The following USP6NL variants were observed in gnomAD, a reference collection of about 807,000 sequenced individuals.
USP6NL encodes the protein USP6 N-terminal like, also known as USP6 N-terminal-like protein.
USP6NL carries 26 observed loss-of-function variants against 61.9 expected under a neutral mutation model. That is an observed-to-expected ratio of 0.42 (90% CI 0.31 to 0.58). The LOEUF is 0.58. Among genes scored for constraint, USP6NL ranks in the 20% least tolerant of loss-of-function variants. The pLI is 0.16. For synonymous variants in USP6NL, 432 were observed against 390.1 expected, an observed-to-expected ratio of 1.11 and a Z score of -1.27; for missense variants, 1,114 against 1,034.3, an observed-to-expected ratio of 1.08 and a Z score of -1.06.
rs559783028 is a variant in USP6NL, at chr10:11,602,276, T to G, written c.-83-4559A>C. The stretch of plus-strand genomic sequence containing the variant: ...TGATGCCTCAACCAAGCTACATTTG[T>G]TTCCTCAAAGGCTATAACTCAATAC... On this transcript the variant is annotated intron_variant, in intron 1 of 14. Coordinates refer to ENST00000609104, the MANE Select transcript of USP6NL (RefSeq NM_014688.5). This position sits in a 1 kb window ranked among gnomAD's most constrained non-coding sequence, Gnocchi z 4.8. 5.4e-4 allele frequency among the ~76,000 whole-genome samples: 82 copies of G among 152,302 alleles called. No homozygotes were observed. Among genetic ancestry groups the G allele is most frequent in the African/African-American group, 2.0e-3 (82 of 41,558 alleles).
intron 2 of USP6NL, among the ~76,000 whole-genome samples, chr10:11,570,033 ACT>A (rs777308243): frequency 4.0e-5 from 6 of 151,840 alleles, no homozygotes; most frequent in African/African-American, 7.3e-5. Flanking sequence ...GCTCACACAA[ACT>A]CTCTTTTTCC....
chr10:11,505,801 C>G (rs1019337204), intron 6 of USP6NL, among the ~76,000 whole-genome samples: 1 of 152,102 alleles, frequency 6.6e-6, no homozygotes, highest in African/African-American at 2.4e-5. Context: ...ACTTTTCAGC[C>G]CAGCAAGCCT....
At chr10:11,563,819 C>G (rs768946311) in intron 2 of USP6NL, 1 of 151,992 alleles carries the variant, frequency 6.6e-6, no homozygotes, top group African/African-American at 2.4e-5. Context: ...GGGTCTCCAT[C>G]GACTCTACAC....
In USP6NL at chr10:11,522,257, T is replaced by C. The variant is rs1038218684; in HGVS notation, c.155+3129A>G. Among the ~76,000 whole-genome samples the C allele has an allele frequency of 6.6e-5, 10 of 152,242 alleles. No homozygotes were observed. In the South Asian group the frequency reaches 1.2e-3, roughly 19 times the overall value. On this transcript the variant is annotated intron_variant, in intron 4 of 14. Transcript: ENST00000609104. Reference sequence around the variant, plus strand: ...TCAGGCAACAAAGGTTGCAAAGTTATTTTTGCCATTTTATTGTATTAACAT... The same window carrying C: ...TCAGGCAACAAAGGTTGCAAAGTTACTTTTGCCATTTTATTGTATTAACAT...
chr10:11,577,360 A>AG (rs1566193930), intron 2 of USP6NL, among the ~76,000 whole-genome samples: 1 of 152,074 alleles, frequency 6.6e-6, no homozygotes, highest in Non-Finnish European at 1.5e-5. Context: ...CACCACGCCC[A>AG]GCCTAGAATT....
chr10:11,474,027 C>T lies in USP6NL; in HGVS notation c.1078+7743G>A, dbSNP rs974693905. Among the ~76,000 whole-genome samples, 2 of 152,008 alleles carry T rather than the reference C, an allele frequency of 1.3e-5. No individual in the cohort carries two copies. The highest frequency in any genetic ancestry group is 1.5e-5 in the Non-Finnish European group (1 of 68,006). On this transcript the variant is annotated intron_variant, in intron 14 of 14. Coordinates refer to ENST00000609104, the MANE Select transcript of USP6NL (RefSeq NM_014688.5). This position sits in a 1 kb window ranked among gnomAD's most constrained non-coding sequence, Gnocchi z 4.9. ...TCGAGATAATAAAGGCGGTGCCACC[C>T]GATGGAACTCACCTGGAGTTCCAGC...
At chr10:11,488,613 G>C (rs1279435248) in intron 10 of USP6NL, among the ~76,000 whole-genome samples, 1 of 152,106 alleles carries the variant, frequency 6.6e-6, no homozygotes, top group African/African-American at 2.4e-5. Context: ...AACTACACTT[G>C]AAATATAAAA....
At chr10:11,577,183 G>C (rs1413388313) in intron 2 of USP6NL, among the ~76,000 whole-genome samples, 1 of 151,008 alleles carries the variant, frequency 6.6e-6, no homozygotes, top group South Asian at 2.1e-4. Context: ...TCAGCCTCCA[G>C]AGTAGCTGGG....
rs889028819 is a variant in USP6NL at position 11,496,014 on chromosome 10, C to T, written c.385-2786G>A. Among the ~76,000 whole-genome samples the T allele has an allele frequency of 6.6e-6, 1 of 152,206 alleles. No individual in the cohort carries two copies. The highest frequency in any genetic ancestry group is 2.4e-5 in the African/African-American group (1 of 41,454). On this transcript the variant is annotated intron_variant, in intron 7 of 14. Coordinates refer to ENST00000609104, the MANE Select transcript of USP6NL (RefSeq NM_014688.5). The surrounding 1 kb of genome is among the most constrained non-coding windows in gnomAD (Gnocchi z 5.4). ...ATCCCCCACAGAACGCTCTTCCAAT[C>T]TCCTGTCAGGAAGACAAGCACCTGG...
chr10:11,462,615 G>A lies in USP6NL; in HGVS notation c.2313C>T (p.Pro771=), dbSNP rs749475235. The A allele has an allele frequency of 1.9e-6, 3 of 1,613,902 alleles. No individual in the cohort carries two copies. The African/African-American group carries it at 4.0e-5, about 22-fold the overall frequency. The part of the protein sequence containing the change: ...LPKYSAFQLA[P]FQDHGLPAVS... The stretch of plus-strand genomic sequence containing the variant: ...CTGCAGGGAGGCCATGGTCCTGAAA[G>A]GGTGCGAGTTGAAAGGCTGAGTATT... Residue 771 remains proline (P), a synonymous_variant, in exon 15 of 15, where the codon CCC becomes CCT. Coordinates refer to ENST00000609104, the MANE Select transcript of USP6NL (RefSeq NM_014688.5).
intron 14 of USP6NL, among the ~76,000 whole-genome samples, chr10:11,473,210 A>G (rs145270036): frequency 1.7e-4 from 26 of 149,684 alleles, no homozygotes; most frequent in Middle Eastern, 3.5e-3. Context: ...TAAAAAATAC[A>G]TTAGGATTTC....
chr10:11,535,608 C>T (rs1333730188), intron 2 of USP6NL, among the ~76,000 whole-genome samples: 3 of 152,172 alleles, frequency 2.0e-5, no homozygotes, highest in African/African-American at 7.2e-5. Context: ...TAGCCCACCC[C>T]AAAGCTGCTT....
chr10:11,469,446 G>C (rs147573953), intron 14 of USP6NL, among the ~76,000 whole-genome samples: 1 of 152,088 alleles, frequency 6.6e-6, no homozygotes, highest in African/African-American at 2.4e-5. Context: ...AGCAGGGTTC[G>C]GGGGGGAAGA....
chr10:11,610,258 T>C lies in USP6NL; in HGVS notation c.-84+1185A>G, dbSNP rs981803439. Among the ~76,000 whole-genome samples, 4 of 152,348 alleles carry C rather than the reference T, an allele frequency of 2.6e-5. No individual in the cohort carries two copies. In the Middle Eastern group the frequency reaches 0.01, roughly 389 times the overall value. On this transcript the variant is annotated intron_variant, in intron 1 of 14. Coordinates refer to ENST00000609104, the MANE Select transcript of USP6NL (RefSeq NM_014688.5). ...ATCCATTTTAAGTAATGAACTACAC[T>C]ATGTTTACAAATGTTGTTATAAAAG...
intron 2 of USP6NL, among the ~76,000 whole-genome samples, chr10:11,545,917 A>T (rs991901398): frequency 6.6e-6 from 1 of 152,250 alleles, no homozygotes; most frequent in Non-Finnish European, 1.5e-5. Context: ...TTTCAAGAAC[A>T]TAACTTCCAA....
rs529561199 is a variant in USP6NL, at chr10:11,516,090, C to G, written c.195+2445G>C. Among the ~76,000 whole-genome samples, 4 of 152,282 alleles carry G rather than the reference C, an allele frequency of 2.6e-5. No homozygotes were observed. The South Asian group carries it at 8.3e-4, about 32-fold the overall frequency. ...AATATAATCCATTATTAATACAGTT[C>G]TCTACAGAGTAAATATAATGTTTGT... On this transcript the variant is annotated intron_variant, in intron 5 of 14. Transcript: ENST00000609104.
chr10:11,557,754 G>A (rs1647459962), intron 2 of USP6NL, among the ~76,000 whole-genome samples: 1 of 152,122 alleles, frequency 6.6e-6, no homozygotes, highest in South Asian at 2.1e-4. Context: ...ACAGGGCAGT[G>A]CACACATGGC....
rs753875495 is a variant in USP6NL at position 11,518,516 on chromosome 10, C to T, written c.195+19G>A. 5 of 1,609,706 alleles carry T rather than the reference C, an allele frequency of 3.1e-6. No individual in the cohort carries two copies. In the East Asian group the frequency reaches 8.9e-5, roughly 29 times the overall value. ...GGCAATTCACCAGTAACTGTAAATA[C>T]ATCAAGAGCAGGACTTACCCGTTCC... On this transcript the variant is annotated intron_variant, in intron 5 of 14. Coordinates refer to ENST00000609104, the MANE Select transcript of USP6NL (RefSeq NM_014688.5). This position sits in a 1 kb window ranked among gnomAD's most constrained non-coding sequence, Gnocchi z 5.3.
chr10:11,464,685 A>G (rs1470155670), intron 14 of USP6NL, among the ~76,000 whole-genome samples: 5 of 152,258 alleles, frequency 3.3e-5, no homozygotes, highest in African/African-American at 7.2e-5. Context: ...AGCGCATAGC[A>G]TAACTCCTGG....
Sources: gnomAD v4.1 joint callset for allele counts (sites outside exome capture counted in the v4.1 genomes callset) on GRCh38, gnomAD v4.1.1 for gene constraint, Gnocchi (gnomAD v3.1) non-coding constraint, MANE v1.5 for transcripts, NCBI Gene and HGNC (gene_info 2026-07-23, HGNC 2026-07-21) for gene names.